Variants in ZCCHC14 observed in about 807,000 individuals in gnomAD.
The protein encoded by ZCCHC14 is zinc finger CCHC domain-containing protein 14.
Under a neutral mutation model 85.0 loss-of-function variants are expected in ZCCHC14, and 16 were observed. The ratio of observed to expected loss-of-function variants is 0.19; its 90% CI spans 0.13 to 0.29. The LOEUF (loss-of-function observed/expected upper bound fraction) is 0.29, where lower values mean the gene tolerates loss of function less well. Among genes scored for constraint, ZCCHC14 ranks in the 10% least tolerant of loss-of-function variants. The pLI is 1.00. For missense variants in ZCCHC14, 1,303 were observed against 1,443.5 expected, an observed-to-expected ratio of 0.90 and a Z score of 1.58; for synonymous variants, 775 against 630.7, an observed-to-expected ratio of 1.23 and a Z score of -3.43.
chr16:87,461,325 T>A (rs569521937), intron 1 of ZCCHC14, among the ~76,000 whole-genome samples: 1 of 152,324 alleles, frequency 6.6e-6, no homozygotes, highest in African/African-American at 2.4e-5. Context: ...TATTTTAAAA[T>A]TTCACAGCCA....
At chr16:87,431,909 C>T (rs952540664) in intron 3 of ZCCHC14, among the ~76,000 whole-genome samples, 4 of 152,310 alleles carry the variant, frequency 2.6e-5, no homozygotes, top group East Asian at 1.9e-4. Context: ...GCCGAGACTC[C>T]GGCACTACCA....
chr16:87,481,857 A>AG (rs1289314977), intron 1 of ZCCHC14, among the ~76,000 whole-genome samples: 1 of 152,124 alleles, frequency 6.6e-6, no homozygotes, highest in Non-Finnish European at 1.5e-5. Context: ...AAAGAAAAGA[A>AG]ATGTATTTCT....
At chr16:87,439,322 T>C (rs1910076666) in intron 2 of ZCCHC14, among the ~76,000 whole-genome samples, 1 of 151,974 alleles carries the variant, frequency 6.6e-6, no homozygotes, top group South Asian at 2.1e-4. Flanking sequence ...TTAGTAGAGA[T>C]GGGGGTTGCA....
In ZCCHC14 at chr16:87,420,637, C is replaced by A. The variant is rs1255394794; in HGVS notation, c.920G>T (p.Arg307Leu). ...LAGPDAFYVERNHVDLDSGLR... is the reference protein window; with the variant it reads ...LAGPDAFYVELNHVDLDSGLR... ...GCCTGAGTCCAGATCCACGTGGTTT[C>A]GCTCCACATAAAATGCGTCCGGACC... Residue 307 changes from arginine to leucine, a missense_variant, in exon 5 of 13, where the codon CGA becomes CTA. By Grantham distance (102) the Arg-to-Leu change is moderately radical. This residue lies in a region of ZCCHC14 where 389 missense variants were observed against 397.8 expected (regional missense o/e 0.98). Transcript: ENST00000671377. The surrounding 1 kb of genome is among the most constrained non-coding windows in gnomAD (Gnocchi z 5.0). 2 of 1,613,816 alleles carry A rather than the reference C, an allele frequency of 1.2e-6. No individual in the cohort carries two copies.
intron 3 of ZCCHC14, among the ~76,000 whole-genome samples, chr16:87,429,273 C>T (rs1366949907): frequency 6.6e-6 from 1 of 152,180 alleles, no homozygotes; most frequent in Admixed American, 6.5e-5. Flanking sequence ...TAGCATTTTC[C>T]TAATGATGAG....
At position 87,412,655 on chromosome 16, in the gene ZCCHC14, T is replaced by C. The variant is rs868478996; in HGVS notation, c.2066A>G (p.Asp689Gly). Residue 689 changes from aspartate to glycine, a missense_variant, in exon 12 of 13, where the codon GAC becomes GGC. Around this residue, in one of 7 missense-constraint regions of ZCCHC14, gnomAD observed 797 missense variants for 730.8 expected, o/e 1.09. Coordinates refer to ENST00000671377, the MANE Select transcript of ZCCHC14 (RefSeq NM_015144.3). ...CATCATGGCGCTGCCAAAGCTCTTGTCCACTTTCATGCTGCTTCTTGGTCC... is the reference window on the plus strand; with the variant it reads ...CATCATGGCGCTGCCAAAGCTCTTGCCCACTTTCATGCTGCTTCTTGGTCC... ...GSGPRSSMKV[D>G]KSFGSAMMDV... is the part of the protein sequence containing the mutation. 6.2e-7 allele frequency: 1 copy of C among 1,614,226 alleles called. No homozygotes were observed. The highest frequency in any genetic ancestry group is 1.1e-5 in the South Asian group (1 of 91,086).
intron 8 of ZCCHC14, among the ~76,000 whole-genome samples, chr16:87,417,196 T>A (rs75534909): frequency 0.017 from 2,571 of 152,292 alleles, 26 homozygotes; most frequent in Middle Eastern, 0.044. Flanking sequence ...GGGGACGGAC[T>A]GTCCCTCCCG....
intron 1 of ZCCHC14, among the ~76,000 whole-genome samples, chr16:87,460,980 G>A (rs1226330238): frequency 2.0e-5 from 3 of 152,218 alleles, no homozygotes; most frequent in Non-Finnish European, 4.4e-5. Flanking sequence ...GTACTCACAC[G>A]TGAGAAAATG....
At position 87,408,912 on chromosome 16, in the gene ZCCHC14, T is replaced by C. The variant is rs1395134501; in HGVS notation, c.*1368A>G. ...GATTTTACCAATCAGTATTTTAACA[T>C]TGAAGACTTTAGCATTTTCGATAAG... On this transcript the variant is annotated 3_prime_UTR_variant, in exon 13 of 13. Transcript: ENST00000671377. The C allele has an allele frequency of 2.0e-5, 3 of 152,668 alleles. No individual in the cohort carries two copies. The highest frequency in any genetic ancestry group is 4.8e-5 in the African/African-American group (2 of 41,472). 9.5% of individuals were successfully genotyped at this position (152,668 alleles called of 1,614,324 possible).
chr16:87,456,222 G>A (rs1910951905), intron 2 of ZCCHC14, among the ~76,000 whole-genome samples: 1 of 152,184 alleles, frequency 6.6e-6, no homozygotes, highest in Admixed American at 6.5e-5. Flanking sequence ...GCCACAGACT[G>A]TGGGCATTTT....
At chr16:87,454,556 T>C (rs1306385941) in intron 2 of ZCCHC14, among the ~76,000 whole-genome samples, 1 of 152,136 alleles carries the variant, frequency 6.6e-6, no homozygotes, top group Non-Finnish European at 1.5e-5. Context: ...AACAAAGATA[T>C]TTTCAGATAA....
At position 87,409,350 on chromosome 16, in the gene ZCCHC14, C is replaced by T. The variant is rs1011499238; in HGVS notation, c.*930G>A. On this transcript the variant is annotated 3_prime_UTR_variant, in exon 13 of 13. Transcript: ENST00000671377. ...GAGATAAAGCAACTTGCAAACTCTG[C>T]TGAGGACGTGCAGCATCCTCACAGC... 1.3e-5 allele frequency: 2 copies of T among 152,226 alleles called. No individual in the cohort carries two copies. Among genetic ancestry groups the T allele is most frequent in the African/African-American group, 2.4e-5 (1 of 41,462 alleles). The allele number at this position is 152,226 out of a possible 1,614,324, so 9.4% of individuals were successfully genotyped here.
intron 2 of ZCCHC14, among the ~76,000 whole-genome samples, chr16:87,457,177 A>G (rs1911016774): frequency 6.6e-6 from 1 of 152,244 alleles, no homozygotes; most frequent in South Asian, 2.1e-4. Context: ...CTAGGCTACA[A>G]TCTCTACTCC....
At chr16:87,418,539 G>C (rs1908918172) in intron 7 of ZCCHC14, among the ~76,000 whole-genome samples, 1 of 152,220 alleles carries the variant, frequency 6.6e-6, no homozygotes, top group Admixed American at 6.5e-5. Context: ...CTCCTCAGGA[G>C]CACGACCCTA....
chr16:87,450,636 T>A (rs1228673456), intron 2 of ZCCHC14, among the ~76,000 whole-genome samples: 1 of 151,208 alleles, frequency 6.6e-6, no homozygotes, highest in East Asian at 1.9e-4. Flanking sequence ...AATGGCATGA[T>A]CTCGGCTCAT....
chr16:87,485,641 T>C (rs953206597), intron 1 of ZCCHC14, among the ~76,000 whole-genome samples: 2 of 147,798 alleles, frequency 1.4e-5, no homozygotes, highest in African/African-American at 5.0e-5. Flanking sequence ...CTAATCCCTC[T>C]AAGGTGGGGG....
At chr16:87,442,216 C>G (rs567384173) in intron 2 of ZCCHC14, among the ~76,000 whole-genome samples, 7 of 152,152 alleles carry the variant, frequency 4.6e-5, no homozygotes, top group Non-Finnish European at 1.0e-4. Context: ...AGCAATGCCC[C>G]CAAAGGACGA....
At chr16:87,460,213 A>T (rs1911192454) in intron 1 of ZCCHC14, 82 bp from the exon 2 acceptor site, 1 of 1,513,154 alleles carries the variant, frequency 6.6e-7, no homozygotes, top group Non-Finnish European at 9.0e-7. Context: ...TAAGTCTTTC[A>T]TAATTACCTT....
chr16:87,469,492 G>A (rs1245502492), intron 1 of ZCCHC14, among the ~76,000 whole-genome samples: 2 of 152,202 alleles, frequency 1.3e-5, no homozygotes, highest in Non-Finnish European at 2.9e-5. Context: ...GAGCCGTCTC[G>A]GCGGCCAGTG....
Sources: allele counts gnomAD v4.1 joint callset (sites outside exome capture counted in the v4.1 genomes callset), GRCh38; gene constraint gnomAD v4.1.1; regional missense constraint gnomAD v4.1.1; non-coding constraint Gnocchi (gnomAD v3.1); transcripts MANE v1.5; gene names NCBI Gene and HGNC (gene_info 2026-07-23, HGNC 2026-07-21).